DYNC1H1: variants seen among roughly 807,000 people sequenced by gnomAD.
The protein encoded by DYNC1H1 is cytoplasmic dynein 1 heavy chain 1.
A neutral mutation model predicts 527.1 loss-of-function variants in DYNC1H1; 51 were observed. The ratio of observed to expected loss-of-function variants is 0.10; its 90% CI spans 0.08 to 0.12. DYNC1H1 has a LOEUF of 0.12. DYNC1H1 is among the 10% of genes least tolerant of loss of function. The pLI is 1.00. For synonymous variants in DYNC1H1, 2,189 were observed against 2,278.8 expected (o/e 0.96, Z 1.12); for missense variants, 2,771 against 5,971.8 (o/e 0.46, Z 17.66).
chr14:102,000,929 T>A, intron 18 of DYNC1H1, 25 bp from the exon 19 acceptor site: 1 of 1,590,060 alleles, frequency 6.3e-7, no homozygotes, highest in Non-Finnish European at 8.6e-7. Context: ...GCAAGCTAAA[T>A]AGCATCTTAT....
chr14:101,964,829 C>T lies in DYNC1H1; in HGVS notation c.138C>T (p.Gly46=). The T allele has an allele frequency of 6.2e-7, 1 of 1,601,014 alleles. No individual in the cohort carries two copies. ...TGCCGCTGCTGCTGGAGGACGGCGG[C>T]GAGGCGCCGGCCGCGCTGGAGGCGG... The part of the protein sequence containing the change: ...KLVPLLLEDG[G]EAPAALEAAL... Residue 46 remains glycine, a synonymous_variant, in exon 1 of 78, where the codon GGC becomes GGT. Coordinates refer to ENST00000360184, the MANE Select transcript of DYNC1H1 (RefSeq NM_001376.5). The surrounding 1 kb of genome is among the most constrained non-coding windows in gnomAD (Gnocchi z 5.5).
rs1473780305 is a variant in DYNC1H1 at position 102,038,432 on chromosome 14, C to T, written c.10909-28C>T. ...GAAGATAAAGTTACAAAGCCCTGACCATCAAGTTCCACCCGTGTGGAATGC... is the reference window on the plus strand; with the variant it reads ...GAAGATAAAGTTACAAAGCCCTGACTATCAAGTTCCACCCGTGTGGAATGC... On this transcript the variant is annotated intron_variant, in intron 57 of 77. Coordinates refer to ENST00000360184, the MANE Select transcript of DYNC1H1 (RefSeq NM_001376.5). The surrounding 1 kb of genome is among the most constrained non-coding windows in gnomAD (Gnocchi z 7.2). The T allele has an allele frequency of 1.2e-6, 2 of 1,613,188 alleles. No homozygotes were observed. The highest frequency in any genetic ancestry group is 8.5e-7 in the Non-Finnish European group (1 of 1,180,028).
At chr14:102,034,849 C>T (rs1312103626) in intron 56 of DYNC1H1, 1 of 331,478 alleles carries the variant, frequency 3.0e-6, no homozygotes, top group Non-Finnish European at 5.9e-6. Context: ...TCTCTTGAAC[C>T]CAGGAGGCAG....
At position 102,009,832 on chromosome 14, in the gene DYNC1H1, C is replaced by T; in HGVS notation, c.5978-11C>T. The T allele has an allele frequency of 6.2e-7, 1 of 1,613,746 alleles. No homozygotes were observed. On this transcript the variant is annotated splice_polypyrimidine_tract_variant and intron_variant, in intron 29 of 77. Transcript: ENST00000360184. ...ACATTTCTAGTCTTAACGCTATCAT[C>T]TCATTCTCAGCCTCTGCCCCCATTA...
Position 102,017,467 on chromosome 14 carries a change from C to T in DYNC1H1, c.8140C>T (p.Pro2714Ser), listed in dbSNP as rs765359154. ...ERIQFVGACN[P>S]PTDPGRKPLS... is the part of the protein sequence containing the mutation. ...AATCCAGTTTGTTGGGGCTTGTAAT[C>T]CCCCCACAGACCCTGGAAGAAAGCC... The change falls in exon 40 of 78, where the codon CCC (proline) becomes TCC (serine). Residue 2714 changes from proline (P) to serine (S), a missense_variant. By Grantham distance (74) the Pro-to-Ser change is moderately conservative. Around this residue, in one of 32 missense-constraint regions of DYNC1H1, gnomAD observed 163 missense variants for 346.9 expected, o/e 0.47. Coordinates refer to ENST00000360184, the MANE Select transcript of DYNC1H1 (RefSeq NM_001376.5). The surrounding 1 kb of genome is among the most constrained non-coding windows in gnomAD (Gnocchi z 4.6). 1.2e-6 allele frequency: 2 copies of T among 1,613,994 alleles called. No homozygotes were observed. Among genetic ancestry groups the T allele is most frequent in the Non-Finnish European group, 1.7e-6 (2 of 1,180,022 alleles).
Position 102,036,381 on chromosome 14 carries a change from TG to T in DYNC1H1, c.10755-106del. 6.8e-7 allele frequency: 1 copy of T among 1,468,526 alleles called. No individual in the cohort carries two copies. 91.0% of individuals were successfully genotyped at this position (1,468,526 alleles called of 1,614,324 possible). On this transcript the variant is annotated intron_variant, in intron 56 of 77. Coordinates refer to ENST00000360184, the MANE Select transcript of DYNC1H1 (RefSeq NM_001376.5). The surrounding 1 kb of genome is among the most constrained non-coding windows in gnomAD (Gnocchi z 5.6). ...GTCTCCGGAAACCACTCTCGGGTGG[TG>T]GTAACAGCCTATCAATCAGGGTCTC...
chr14:102,007,716 A>G (rs547015329), intron 28 of DYNC1H1, among the ~76,000 whole-genome samples: 5 of 152,280 alleles, frequency 3.3e-5, no homozygotes, highest in Non-Finnish European at 7.3e-5. Flanking sequence ...TCAGGGTTTG[A>G]GCCCCGTGAA....
Position 102,036,830 on chromosome 14 carries a change from G to A in DYNC1H1, c.10908+188G>A. The stretch of plus-strand genomic sequence containing the variant: ...ATTTAAAATTCTATTCAGTGGTCGG[G>A]CGAGGTGGCTCACACCTGTAATCTC... On this transcript the variant is annotated intron_variant, in intron 57 of 77. Transcript: ENST00000360184. This position sits in a 1 kb window ranked among gnomAD's most constrained non-coding sequence, Gnocchi z 5.6. 1 of 769,774 alleles carries A rather than the reference G, an allele frequency of 1.3e-6. No homozygotes were observed. Among genetic ancestry groups the A allele is most frequent in the East Asian group, 3.5e-5 (1 of 28,846 alleles). The allele number at this position is 769,774 out of a possible 1,614,324, so 47.7% of individuals were successfully genotyped here.
Position 102,036,815 on chromosome 14 carries a change from C to A in DYNC1H1, c.10908+173C>A, listed in dbSNP as rs2048580861. ...AGAATCATTATTTGCATTTAAAATT[C>A]TATTCAGTGGTCGGGCGAGGTGGCT... is the stretch of plus-strand genomic sequence containing the variant. On this transcript the variant is annotated intron_variant, in intron 57 of 77. Coordinates refer to ENST00000360184, the MANE Select transcript of DYNC1H1 (RefSeq NM_001376.5). The surrounding 1 kb of genome is among the most constrained non-coding windows in gnomAD (Gnocchi z 5.6). The A allele has an allele frequency of 1.0e-5, 10 of 957,148 alleles. No homozygotes were observed. Among genetic ancestry groups the A allele is most frequent in the Non-Finnish European group, 1.4e-5 (9 of 634,968 alleles). 59.3% of individuals were successfully genotyped at this position (957,148 alleles called of 1,614,324 possible).
At chr14:101,975,226 C>T (rs2047787145) in intron 1 of DYNC1H1, among the ~76,000 whole-genome samples, 1 of 152,156 alleles carries the variant, frequency 6.6e-6, no homozygotes, top group African/African-American at 2.4e-5. Flanking sequence ...TCACACCAAC[C>T]CCATAGGGTT....
At position 102,044,771 on chromosome 14, in the gene DYNC1H1, G is replaced by T. The variant is rs1595633712; in HGVS notation, c.13006+73G>T. 8.5e-6 allele frequency: 13 copies of T among 1,533,146 alleles called. No homozygotes were observed. In the Admixed American group the frequency reaches 1.2e-4, roughly 14 times the overall value. The allele number at this position is 1,533,146 out of a possible 1,614,324, so 95.0% of individuals were successfully genotyped here. A position where few individuals can be genotyped will look rare whatever the true frequency, so the allele number is the denominator to read the frequency against. ...CCCTCACGCGGGGTGGGTGGCGAGG[G>T]TCCCCACACGCAGGGTGAGTGTGCA... On this transcript the variant is annotated intron_variant, in intron 72 of 77. Coordinates refer to ENST00000360184, the MANE Select transcript of DYNC1H1 (RefSeq NM_001376.5). The surrounding 1 kb of genome is among the most constrained non-coding windows in gnomAD (Gnocchi z 7.1).
At chr14:102,046,988 TCTCAC>T (rs2152599411) in intron 72 of DYNC1H1, among the ~76,000 whole-genome samples, 1 of 152,148 alleles carries the variant, frequency 6.6e-6, no homozygotes, top group East Asian at 1.9e-4. Flanking sequence ...GAGATGAGGG[TCTCAC>T]TATGTTGCCC....
In DYNC1H1 at chr14:102,033,116, C is replaced by T. The variant is rs1555411373; in HGVS notation, c.10131C>T (p.Tyr3377=). Residue 3377 remains tyrosine, a synonymous_variant, in exon 53 of 78, where the codon TAC becomes TAT. Coordinates refer to ENST00000360184, the MANE Select transcript of DYNC1H1 (RefSeq NM_001376.5). The surrounding 1 kb of genome is among the most constrained non-coding windows in gnomAD (Gnocchi z 5.6). The part of the protein sequence containing the change: ...MKKNYMSNPS[Y]NYEIVNRASL... Reference sequence around the variant, plus strand: ...AAAATTACATGTCCAATCCAAGTTACAATTATGAAATTGTGAATCGGGCTT... The same window carrying T: ...AAAATTACATGTCCAATCCAAGTTATAATTATGAAATTGTGAATCGGGCTT... 1.2e-6 allele frequency: 2 copies of T among 1,614,096 alleles called. No homozygotes were observed. Among genetic ancestry groups the T allele is most frequent in the Admixed American group, 3.3e-5 (2 of 60,002 alleles).
In DYNC1H1 at chr14:102,029,856, A is replaced by G; in HGVS notation, c.9680A>G (p.Gln3227Arg). Residue 3227 changes from glutamine (Q) to arginine (R), a missense_variant, in exon 50 of 78, where the codon CAA (glutamine) becomes CGA (arginine). Gln to Arg is a conservative substitution (Grantham distance 43). Around this residue, in one of 32 missense-constraint regions of DYNC1H1, gnomAD observed 30 missense variants for 117.8 expected, o/e 0.25. Coordinates refer to ENST00000360184, the MANE Select transcript of DYNC1H1 (RefSeq NM_001376.5). This position sits in a 1 kb window ranked among gnomAD's most constrained non-coding sequence, Gnocchi z 5.3. ...CGTCGTGACTTGAGGATAAAGAGCC[A>G]AGAGCTGGAGGTGAAGAATGCAGCA... ...ELRRDLRIKS[Q>R]ELEVKNAAAN... The G allele has an allele frequency of 6.2e-7, 1 of 1,614,140 alleles. No individual in the cohort carries two copies. The highest frequency in any genetic ancestry group is 8.5e-7 in the Non-Finnish European group (1 of 1,180,026).
In DYNC1H1 at chr14:102,001,168, G is replaced by A. The variant is rs2048126347; in HGVS notation, c.4209G>A (p.Leu1403=). The A allele has an allele frequency of 1.2e-6, 2 of 1,614,200 alleles. No individual in the cohort carries two copies. The highest frequency in any genetic ancestry group is 1.7e-6 in the Non-Finnish European group (2 of 1,180,032). The change falls in exon 20 of 78, where the codon CTG becomes CTA. Residue 1403 remains leucine, a synonymous_variant. Coordinates refer to ENST00000360184, the MANE Select transcript of DYNC1H1 (RefSeq NM_001376.5). This position sits in a 1 kb window ranked among gnomAD's most constrained non-coding sequence, Gnocchi z 5.0. ...AGATAAATATGCTGGTGATTGAACT[G>A]AAATCCGAAGCACTTAAAGACCGCC... ...YMKINMLVIE[L]KSEALKDRHW...
chr14:102,042,202 G>A lies in DYNC1H1; in HGVS notation c.12215-26G>A, dbSNP rs1257954920. 1.2e-6 allele frequency: 2 copies of A among 1,614,040 alleles called. No homozygotes were observed. The highest frequency in any genetic ancestry group is 1.7e-6 in the Non-Finnish European group (2 of 1,180,024). On this transcript the variant is annotated intron_variant, in intron 66 of 77. Coordinates refer to ENST00000360184, the MANE Select transcript of DYNC1H1 (RefSeq NM_001376.5). This position sits in a 1 kb window ranked among gnomAD's most constrained non-coding sequence, Gnocchi z 5.7. The stretch of plus-strand genomic sequence containing the variant: ...GGCATTGATGTCCGAGGCTGCCGCT[G>A]CTAACACTAAGTTTCCCTGCACCAG...
At position 102,016,254 on chromosome 14, in the gene DYNC1H1, TG is replaced by T; in HGVS notation, c.7474-92del. ...GTGGGTGTCTGTGATGCAAGAAGACTGGGAACCACTGTCTTTAGGTTAACTT... is the reference window on the plus strand; with the variant it reads ...GTGGGTGTCTGTGATGCAAGAAGACTGGAACCACTGTCTTTAGGTTAACTT... On this transcript the variant is annotated intron_variant, in intron 36 of 77. Coordinates refer to ENST00000360184, the MANE Select transcript of DYNC1H1 (RefSeq NM_001376.5). This position sits in a 1 kb window ranked among gnomAD's most constrained non-coding sequence, Gnocchi z 7.3. The T allele has an allele frequency of 1.3e-6, 2 of 1,545,626 alleles. No individual in the cohort carries two copies. The highest frequency in any genetic ancestry group is 1.9e-5 in the Admixed American group (1 of 53,658).
rs535779179 is a variant in DYNC1H1, at chr14:102,053,631, G to C, written c.*3068G>C. ...GCCCGGCTAATTTTTTGGATTTTTA[G>C]TAGAGACAGGGTTTCACTGTGTTAG... On this transcript the variant is annotated 3_prime_UTR_variant, in exon 78 of 78. Coordinates refer to ENST00000360184, the MANE Select transcript of DYNC1H1 (RefSeq NM_001376.5). The C allele has an allele frequency of 9.3e-5, 14 of 150,846 alleles. No homozygotes were observed. The highest frequency in any genetic ancestry group is 3.4e-4 in the African/African-American group (14 of 40,948). The allele number at this position is 150,846 out of a possible 1,614,324, so 9.3% of individuals were successfully genotyped here.
Position 101,979,025 on chromosome 14 carries a change from A to G in DYNC1H1, c.345-294A>G, listed in dbSNP as rs2047833028. ...TTAGTACAGTAAATAAATGTTACAC[A>G]TTAGTGTAAGATCAGATTTAAGTAC... On this transcript the variant is annotated intron_variant, in intron 2 of 77. Coordinates refer to ENST00000360184, the MANE Select transcript of DYNC1H1 (RefSeq NM_001376.5). The surrounding 1 kb of genome is among the most constrained non-coding windows in gnomAD (Gnocchi z 4.6). Among the ~76,000 whole-genome samples, 2 of 152,238 alleles carry G rather than the reference A, an allele frequency of 1.3e-5. No individual in the cohort carries two copies. The highest frequency in any genetic ancestry group is 1.9e-4 in the East Asian group (1 of 5,204).
Sources: gnomAD v4.1 joint callset for allele counts (sites outside exome capture counted in the v4.1 genomes callset) on GRCh38, gnomAD v4.1.1 for gene constraint, gnomAD v4.1.1 regional missense constraint, Gnocchi (gnomAD v3.1) non-coding constraint, MANE v1.5 for transcripts, NCBI Gene and HGNC (gene_info 2026-07-23, HGNC 2026-07-21) for gene names.